ATRNL1: variants seen among roughly 807,000 people sequenced by gnomAD.
ATRNL1 encodes the protein attractin-like protein 1.
In ATRNL1, 95 loss-of-function variants were observed where a neutral mutation model predicts 182.7. The ratio of observed to expected loss-of-function variants is 0.52; its 90% CI spans 0.44 to 0.62. The LOEUF (loss-of-function observed/expected upper bound fraction) is 0.62, where lower values mean the gene tolerates loss of function less well. ATRNL1 is among the 20% of genes least tolerant of loss of function. ATRNL1 has a pLI of 0.00. For missense variants in ATRNL1, 1,471 were observed against 1,679.5 expected, an observed-to-expected ratio of 0.88 and a Z score of 2.17; for synonymous variants, 576 against 568.3, an observed-to-expected ratio of 1.01 and a Z score of -0.19.
At chr10:115,327,987 G>A (rs1855002470) in intron 18 of ATRNL1, among the ~76,000 whole-genome samples, 1 of 152,018 alleles carries the variant, frequency 6.6e-6, no homozygotes, top group Non-Finnish European at 1.5e-5. Flanking sequence ...CCTAATGCTA[G>A]ATGACGAGTT....
At chr10:115,695,565 G>A (rs1048732430) in intron 26 of ATRNL1, among the ~76,000 whole-genome samples, 4 of 152,020 alleles carry the variant, frequency 2.6e-5, no homozygotes, top group Admixed American at 2.6e-4. Flanking sequence ...TCTACATTCA[G>A]TATGAAGTGC....
At chr10:115,542,246 A>G (rs1852399497) in intron 25 of ATRNL1, among the ~76,000 whole-genome samples, 1 of 152,152 alleles carries the variant, frequency 6.6e-6, no homozygotes, top group Non-Finnish European at 1.5e-5. Flanking sequence ...GATGCTCTGT[A>G]GCCTCAAAAT....
At chr10:115,510,672 T>C (rs1850342178) in intron 24 of ATRNL1, among the ~76,000 whole-genome samples, 1 of 152,084 alleles carries the variant, frequency 6.6e-6, no homozygotes, top group Non-Finnish European at 1.5e-5. Flanking sequence ...ATTAACTTTA[T>C]TGCAGTAGTC....
At chr10:115,924,140 G>A (rs1484896420) in intron 28 of ATRNL1, among the ~76,000 whole-genome samples, 3 of 152,018 alleles carry the variant, frequency 2.0e-5, no homozygotes, top group Non-Finnish European at 2.9e-5. Context: ...TGTAAAATCT[G>A]GATATTAGAC....
At chr10:115,370,729 A>G (rs906091347) in intron 19 of ATRNL1, among the ~76,000 whole-genome samples, 2 of 152,240 alleles carry the variant, frequency 1.3e-5, no homozygotes, top group Non-Finnish European at 2.9e-5. Flanking sequence ...GCCTGACAAT[A>G]TGATAGAAAA....
intron 26 of ATRNL1, among the ~76,000 whole-genome samples, chr10:115,652,280 G>T (rs12246466): frequency 0.012 from 1,772 of 151,550 alleles, 36 homozygotes; most frequent in African/African-American, 0.04. Context: ...AAGTTAGAGG[G>T]TTTTCTATTT....
intron 1 of ATRNL1, among the ~76,000 whole-genome samples, chr10:115,099,096 G>A (rs534539688): frequency 2.6e-5 from 4 of 152,242 alleles, no homozygotes; most frequent in Non-Finnish European, 5.9e-5. Flanking sequence ...TTTTCTAGTT[G>A]CCAATTCCTG....
At chr10:115,396,003 A>C (rs1844271059) in intron 20 of ATRNL1, among the ~76,000 whole-genome samples, 1 of 151,804 alleles carries the variant, frequency 6.6e-6, no homozygotes, top group African/African-American at 2.4e-5. Flanking sequence ...CTATAAATAT[A>C]TAAAAATTTA....
intron 17 of ATRNL1, among the ~76,000 whole-genome samples, chr10:115,304,171 C>T (rs1451597517): frequency 1.3e-5 from 2 of 152,158 alleles, no homozygotes; most frequent in Admixed American, 6.5e-5. Flanking sequence ...GTTTCTATAA[C>T]GTTCATAAGT....
intron 9 of ATRNL1, among the ~76,000 whole-genome samples, chr10:115,223,205 C>T (rs919754304): frequency 3.3e-5 from 5 of 152,082 alleles, no homozygotes; most frequent in African/African-American, 9.7e-5. Flanking sequence ...CACTTGTACC[C>T]GGGAGGCAGA....
chr10:115,181,993 C>G (rs1463504041), intron 8 of ATRNL1, among the ~76,000 whole-genome samples: 1 of 151,610 alleles, frequency 6.6e-6, no homozygotes, highest in Non-Finnish European at 1.5e-5. Flanking sequence ...TGAGTTTACA[C>G]TAAATCTCAG....
intron 27 of ATRNL1, among the ~76,000 whole-genome samples, chr10:115,735,153 T>C (rs1555065043): frequency 6.6e-6 from 1 of 152,226 alleles, no homozygotes. Flanking sequence ...CTTCAGAGCT[T>C]CCTTTTAAAA....
At chr10:115,931,499 A>G (rs1339484027) in intron 28 of ATRNL1, among the ~76,000 whole-genome samples, 4 of 152,182 alleles carry the variant, frequency 2.6e-5, no homozygotes, top group Non-Finnish European at 4.4e-5. Flanking sequence ...CAGACCTCAG[A>G]GGAAGATTAA....
rs73376353 is a variant in ATRNL1 at position 115,141,573 on chromosome 10, A to G, written c.829+12038A>G. 3.1e-3 allele frequency among the ~76,000 whole-genome samples: 477 copies of G among 152,274 alleles called. 2 individuals carry two copies. The highest frequency in any genetic ancestry group is 0.011 in the African/African-American group (443 of 41,578). On this transcript the variant is annotated intron_variant, in intron 5 of 28. Coordinates refer to ENST00000355044, the MANE Select transcript of ATRNL1 (RefSeq NM_207303.4). ...TTCAACTCAAACTCATGAATATTTT[A>G]TCTGAAGTATTTTATCTGGGTTAGT...
At chr10:115,594,576 G>A (rs1856114715) in intron 26 of ATRNL1, among the ~76,000 whole-genome samples, 1 of 152,168 alleles carries the variant, frequency 6.6e-6, no homozygotes, top group African/African-American at 2.4e-5. Context: ...GCGCGATCGT[G>A]GCTCACCGCA....
At chr10:115,376,178 T>G (rs558161366) in intron 19 of ATRNL1, among the ~76,000 whole-genome samples, 6 of 152,272 alleles carry the variant, frequency 3.9e-5, no homozygotes, top group African/African-American at 1.4e-4. Context: ...TTTATAAGGT[T>G]GTTGTTTTTT....
chr10:115,693,234 C>T (rs533415730), intron 26 of ATRNL1, among the ~76,000 whole-genome samples: 135 of 152,078 alleles, frequency 8.9e-4, no homozygotes, highest in Non-Finnish European at 1.6e-3. Flanking sequence ...ATGTTTTTTA[C>T]ATATATTTCT....
intron 28 of ATRNL1, among the ~76,000 whole-genome samples, chr10:115,921,828 A>G (rs1018069864): frequency 2.0e-5 from 3 of 152,248 alleles, no homozygotes; most frequent in Admixed American, 6.5e-5. Flanking sequence ...CCCAATTTAC[A>G]TAACCTTTTT....
intron 26 of ATRNL1, among the ~76,000 whole-genome samples, chr10:115,604,156 A>G (rs1856758721): frequency 6.6e-6 from 1 of 151,988 alleles, no homozygotes; most frequent in Non-Finnish European, 1.5e-5. Context: ...GACATTCTAT[A>G]TTTTTATGTT....
Sources: allele counts gnomAD v4.1 joint callset (sites outside exome capture counted in the v4.1 genomes callset), GRCh38; gene constraint gnomAD v4.1.1; transcripts MANE v1.5; gene names NCBI Gene and HGNC (gene_info 2026-07-23, HGNC 2026-07-21).